Variants in CDH13 observed in about 807,000 individuals in gnomAD.
The protein encoded by CDH13 is cadherin 13, also known as cadherin-13.
In CDH13, 24 loss-of-function variants were observed where a neutral mutation model predicts 63.8. That is an observed-to-expected ratio of 0.38 (90% CI 0.27 to 0.53). CDH13 has a LOEUF of 0.53. Ranked by LOEUF, CDH13 falls within the 20% of genes least tolerant of loss-of-function variation. CDH13 has a pLI of 0.85. For synonymous variants in CDH13, 503 were observed against 355.3 expected (o/e 1.42, Z -4.67); for missense variants, 1,049 against 903.1 (o/e 1.16, Z -2.07).
chr16:82,852,335 G>A (rs981169037), intron 1 of CDH13, among the ~76,000 whole-genome samples: 6 of 152,172 alleles, frequency 3.9e-5, no homozygotes, highest in Admixed American at 6.5e-5. Context: ...TTTGCACAGC[G>A]TTCCGTGGAT....
chr16:83,396,888 A>G (rs1030069916), intron 6 of CDH13, among the ~76,000 whole-genome samples: 3 of 152,182 alleles, frequency 2.0e-5, no homozygotes, highest in African/African-American at 4.8e-5. Flanking sequence ...AATTCTCACA[A>G]TGACCCTTTC....
At chr16:83,317,753 C>G (rs1318909797) in intron 5 of CDH13, among the ~76,000 whole-genome samples, 1 of 151,560 alleles carries the variant, frequency 6.6e-6, no homozygotes. Context: ...TGAGCCAAGA[C>G]TGCACCATTG....
At chr16:83,297,404 TA>T (rs1452774948) in intron 5 of CDH13, among the ~76,000 whole-genome samples, 1 of 151,978 alleles carries the variant, frequency 6.6e-6, no homozygotes, top group Non-Finnish European at 1.5e-5. Flanking sequence ...AAACAAAACT[TA>T]AAAAATAGTA....
chr16:83,555,110 G>T (rs72793435), intron 7 of CDH13, among the ~76,000 whole-genome samples: 6,787 of 152,216 alleles, frequency 0.045, 187 homozygotes, highest in Non-Finnish European at 0.071. Context: ...TATACAGAGA[G>T]AGCGAGCTAC....
intron 10 of CDH13, among the ~76,000 whole-genome samples, chr16:83,691,129 A>G (rs1904836878): frequency 6.6e-6 from 1 of 151,364 alleles, no homozygotes; most frequent in Non-Finnish European, 1.5e-5. Context: ...TCAGAGAGAG[A>G]GAGAGAGGAA....
chr16:82,992,217 A>G (rs1391384003), intron 2 of CDH13, among the ~76,000 whole-genome samples: 2 of 152,192 alleles, frequency 1.3e-5, no homozygotes, highest in Non-Finnish European at 2.9e-5. Context: ...CTGGGAAAGC[A>G]TGGCCTTATC....
intron 4 of CDH13, among the ~76,000 whole-genome samples, chr16:83,200,060 C>A (rs548575026): frequency 1.3e-5 from 2 of 152,164 alleles, no homozygotes; most frequent in Non-Finnish European, 2.9e-5. Context: ...CCCTGGACAG[C>A]GCCTCATTCC....
At chr16:83,652,131 G>T (rs997671590) in intron 8 of CDH13, among the ~76,000 whole-genome samples, 14 of 152,210 alleles carry the variant, frequency 9.2e-5, no homozygotes, top group African/African-American at 3.4e-4. Flanking sequence ...GTGCTCATGG[G>T]AATTACAGTC....
At chr16:83,204,449 C>T (rs1355824700) in intron 4 of CDH13, among the ~76,000 whole-genome samples, 2 of 152,176 alleles carry the variant, frequency 1.3e-5, no homozygotes, top group African/African-American at 4.8e-5. Flanking sequence ...TCATCACCAT[C>T]ATTTTAAACT....
intron 2 of CDH13, among the ~76,000 whole-genome samples, chr16:82,928,619 CATAA>C (rs1166729707): frequency 6.6e-6 from 1 of 152,162 alleles, no homozygotes; most frequent in Non-Finnish European, 1.5e-5. Context: ...GTTTTTTCAA[CATAA>C]ATAAATAAGA....
At chr16:83,098,252 G>T (rs9922974) in intron 3 of CDH13, among the ~76,000 whole-genome samples, 3,255 of 152,198 alleles carry the variant, frequency 0.021, 123 homozygotes, top group African/African-American at 0.069. Context: ...TTCATATATG[G>T]TATAAGAACC....
intron 4 of CDH13, among the ~76,000 whole-genome samples, chr16:83,148,083 G>A (rs570059704): frequency 1.4e-4 from 21 of 152,200 alleles, no homozygotes; most frequent in East Asian, 3.9e-4. Context: ...GATTACAGGC[G>A]TGCGCCACCA....
rs79033949 is a variant in CDH13, at chr16:83,244,380, G to A, written c.636+26883G>A. ...AAGATACTCAAGGGTATGGCAAAAA[G>A]GATTTCTATTTCCCATAAGTTTATC... is the stretch of plus-strand genomic sequence containing the variant. On this transcript the variant is annotated intron_variant, in intron 5 of 13. Coordinates refer to ENST00000567109, the MANE Select transcript of CDH13 (RefSeq NM_001257.5). Among the ~76,000 whole-genome samples, 1,114 of 152,204 alleles carry A rather than the reference G, an allele frequency of 7.3e-3. 9 individuals carry two copies. The highest frequency in any genetic ancestry group is 0.025 in the African/African-American group (1,054 of 41,544).
intron 1 of CDH13, among the ~76,000 whole-genome samples, chr16:82,745,204 T>A (rs542070255): frequency 2.6e-5 from 4 of 152,302 alleles, no homozygotes; most frequent in Admixed American, 1.3e-4. Flanking sequence ...TGGAGTTGTG[T>A]GCGTGGGGCG....
intron 4 of CDH13, among the ~76,000 whole-genome samples, chr16:83,215,203 A>G (rs1032411093): frequency 6.7e-6 from 1 of 148,794 alleles, no homozygotes; most frequent in Admixed American, 6.8e-5. Context: ...CAGCCTCCAG[A>G]GTAACAGGGA....
At chr16:83,118,230 C>T (rs2035401474) in intron 3 of CDH13, among the ~76,000 whole-genome samples, 1 of 152,194 alleles carries the variant, frequency 6.6e-6, no homozygotes, top group Non-Finnish European at 1.5e-5. Flanking sequence ...CTCTGCACAC[C>T]TCTGCGTGCC....
At chr16:82,677,972 G>C (rs1363116740) in intron 1 of CDH13, among the ~76,000 whole-genome samples, 6 of 152,156 alleles carry the variant, frequency 3.9e-5, no homozygotes. Context: ...ATATGATCCA[G>C]AAAATCTATA....
intron 5 of CDH13, among the ~76,000 whole-genome samples, chr16:83,314,570 G>A (rs531413894): frequency 7.9e-5 from 12 of 151,872 alleles, no homozygotes; most frequent in African/African-American, 2.9e-4. Context: ...AAAAAAATAC[G>A]GTATTTTTTT....
intron 1 of CDH13, among the ~76,000 whole-genome samples, chr16:82,833,913 T>G (rs1319368611): frequency 6.6e-6 from 1 of 152,236 alleles, no homozygotes; most frequent in African/African-American, 2.4e-5. Flanking sequence ...TGCTACTGCA[T>G]TTTGTATTTA....
Sources: gnomAD v4.1 joint callset for allele counts (sites outside exome capture counted in the v4.1 genomes callset) on GRCh38, gnomAD v4.1.1 for gene constraint, MANE v1.5 for transcripts, NCBI Gene and HGNC (gene_info 2026-07-23, HGNC 2026-07-21) for gene names.